Variants in ATAD2B observed in about 807,000 individuals in gnomAD.
ATAD2B encodes ATPase family AAA domain-containing protein 2B.
In ATAD2B, 40 loss-of-function variants were observed where a neutral mutation model predicts 167.6. That is an observed-to-expected ratio of 0.24 (90% confidence interval 0.19 to 0.31). The LOEUF (loss-of-function observed/expected upper bound fraction) is 0.31. Ranked by LOEUF, ATAD2B falls within the 10% of genes least tolerant of loss-of-function variation. The pLI is 1.00. For missense variants in ATAD2B, 1,242 were observed against 1,757.2 expected (o/e 0.71, Z 5.24); for synonymous variants, 579 against 596.5 (o/e 0.97, Z 0.43).
At chr2:23,903,310 T>G (rs1701060624) in intron 1 of ATAD2B, among the ~76,000 whole-genome samples, 1 of 151,738 alleles carries the variant, frequency 6.6e-6, no homozygotes, top group African/African-American at 2.4e-5. Flanking sequence ...ATATGTATTC[T>G]AACAACTTAA....
chr2:23,882,824 CAAA>C (rs201054446), intron 6 of ATAD2B, among the ~76,000 whole-genome samples: 9 of 113,610 alleles, frequency 7.9e-5, no homozygotes, highest in Non-Finnish European at 1.8e-4. Flanking sequence ...ACAACAACAA[CAAA>C]AAAAAAAAGA....
chr2:23,919,764 A>G (rs1703625966), intron 1 of ATAD2B, among the ~76,000 whole-genome samples: 1 of 151,080 alleles, frequency 6.6e-6, no homozygotes, highest in African/African-American at 2.4e-5. Context: ...AATCACTTGA[A>G]CCCAGGAAGC....
chr2:23,866,182 G>A (rs890031462), intron 10 of ATAD2B, among the ~76,000 whole-genome samples: 5 of 152,210 alleles, frequency 3.3e-5, no homozygotes, highest in African/African-American at 4.8e-5. Context: ...AAGGCGGGAG[G>A]ATCACCTGAG....
the ATAD2B span, among the ~76,000 whole-genome samples, chr2:23,701,543 T>C: frequency 1.3e-5 from 2 of 152,140 alleles, no homozygotes; most frequent in Non-Finnish European, 2.9e-5. Flanking sequence ...GGAGACCTCA[T>C]CTCTACGACA....
At chr2:23,804,542 A>G (rs2149492471) in intron 18 of ATAD2B, among the ~76,000 whole-genome samples, 1 of 152,232 alleles carries the variant, frequency 6.6e-6, no homozygotes, top group African/African-American at 2.4e-5. Context: ...TTCACTACCA[A>G]GTGACACCTC....
chr2:23,724,220 T>C, the ATAD2B span, among the ~76,000 whole-genome samples: 14 of 152,264 alleles, frequency 9.2e-5, no homozygotes, highest in East Asian at 2.7e-3. Context: ...CAGTTCAGAA[T>C]GACTATAGTT....
At chr2:23,721,260 C>A in the ATAD2B span, among the ~76,000 whole-genome samples, 1 of 152,238 alleles carries the variant, frequency 6.6e-6, no homozygotes, top group Non-Finnish European at 1.5e-5. Context: ...GCAGACAAGT[C>A]CCTGACCTGC....
chr2:23,726,528 G>C, the ATAD2B span, among the ~76,000 whole-genome samples: 12 of 152,108 alleles, frequency 7.9e-5, no homozygotes, highest in Non-Finnish European at 1.3e-4. Context: ...CAGGCTGAGG[G>C]GGAGAGGCAG....
At position 23,876,924 on chromosome 2, in the gene ATAD2B, G is replaced by T. The variant is rs1160212251; in HGVS notation, c.902-1020C>A. Among the ~76,000 whole-genome samples the T allele has an allele frequency of 2.0e-5, 3 of 151,246 alleles. No individual in the cohort carries two copies. In the East Asian group the frequency reaches 6.0e-4, roughly 30 times the overall value. ...CTCTACTAAAAACACAAAATTAGCC[G>T]GGCGTGGTGGTGCATGCCTGTAATC... On this transcript the variant is annotated intron_variant, in intron 7 of 27. Transcript: ENST00000238789.
chr2:23,869,576 A>G (rs1428618621), intron 9 of ATAD2B, 87 bp downstream of exon 9: 1 of 867,782 alleles, frequency 1.2e-6, no homozygotes, highest in Admixed American at 2.0e-5. Flanking sequence ...TATGTGTTGA[A>G]TATCAATGTT....
At chr2:23,786,366 T>C (rs1338231325) in intron 20 of ATAD2B, 143 bp from the exon 21 acceptor site, 2 of 747,406 alleles carry the variant, frequency 2.7e-6, no homozygotes, top group Non-Finnish European at 2.1e-6. Context: ...TTCTAAGAAA[T>C]GTGCAGTTAG....
At chr2:23,842,132 G>A (rs1173618013) in intron 13 of ATAD2B, among the ~76,000 whole-genome samples, 12 of 151,956 alleles carry the variant, frequency 7.9e-5, no homozygotes, top group Non-Finnish European at 2.9e-5. Flanking sequence ...ATATATTTGG[G>A]TTTAAATCTA....
the ATAD2B span, chr2:23,693,438 C>T: frequency 1.3e-6 from 2 of 1,551,740 alleles, no homozygotes; most frequent in Non-Finnish European, 1.7e-6. Flanking sequence ...TCGCCTACGT[C>T]TCCAACGACA....
chr2:23,892,320 C>T (rs1214087485), intron 2 of ATAD2B, among the ~76,000 whole-genome samples: 5 of 152,156 alleles, frequency 3.3e-5, no homozygotes, highest in South Asian at 2.1e-4. Context: ...CCCGCCACCA[C>T]GCCTGGCTAA....
chr2:23,693,435 C>T, the ATAD2B span: 59 of 1,551,736 alleles, frequency 3.8e-5, no homozygotes, highest in African/African-American at 5.3e-4. Context: ...TCATCGCCTA[C>T]GTCTCCAACG....
the ATAD2B span, among the ~76,000 whole-genome samples, chr2:23,728,324 T>C: frequency 1.3e-5 from 2 of 152,184 alleles, no homozygotes; most frequent in Non-Finnish European, 1.5e-5. Context: ...AAAATATGCA[T>C]GTACAACACT....
At chr2:23,732,087 A>G in the ATAD2B span, among the ~76,000 whole-genome samples, 2 of 152,208 alleles carry the variant, frequency 1.3e-5, no homozygotes, top group African/African-American at 4.8e-5. Flanking sequence ...TGTACTAGCC[A>G]CATTTTGAGT....
the ATAD2B span, chr2:23,691,821 G>A: frequency 1.9e-6 from 3 of 1,551,492 alleles, no homozygotes; most frequent in Non-Finnish European, 2.6e-6. Context: ...CACTGCTGGA[G>A]GCGGCCAGCA....
intron 13 of ATAD2B, among the ~76,000 whole-genome samples, chr2:23,840,289 C>G (rs1690670375): frequency 1.3e-5 from 2 of 152,234 alleles, no homozygotes; most frequent in Non-Finnish European, 2.9e-5. Context: ...CCTTTGATGT[C>G]TAAAAAAACC....
Sources: gnomAD v4.1 joint callset for allele counts (sites outside exome capture counted in the v4.1 genomes callset) on GRCh38, gnomAD v4.1.1 for gene constraint, MANE v1.5 for transcripts, NCBI Gene and HGNC (gene_info 2026-07-23, HGNC 2026-07-21) for gene names.